The following PLEKHH2 variants were observed in gnomAD, a reference collection of about 807,000 sequenced individuals.
PLEKHH2 encodes pleckstrin homology domain-containing family H member 2.
PLEKHH2 carries 129 observed loss-of-function variants against 187.9 expected under a neutral mutation model. The observed-to-expected ratio is 0.69, with a 90% confidence interval of 0.59 to 0.79. PLEKHH2 has a LOEUF of 0.79. Ranked by LOEUF, PLEKHH2 falls within the 30% of genes least tolerant of loss-of-function variation. PLEKHH2 has a pLI of 0.00. For synonymous variants in PLEKHH2, 686 were observed against 605.6 expected (o/e 1.13, Z -1.95); for missense variants, 2,076 against 1,751.2 (o/e 1.19, Z -3.31).
At chr2:43,655,838 A>T (rs967847456) in intron 2 of PLEKHH2, among the ~76,000 whole-genome samples, 2 of 152,216 alleles carry the variant, frequency 1.3e-5, no homozygotes, top group Non-Finnish European at 2.9e-5. Context: ...TTGTAATATT[A>T]GATGCATTTT....
chr2:43,742,102 G>A (rs1671591141), intron 21 of PLEKHH2, among the ~76,000 whole-genome samples: 1 of 152,010 alleles, frequency 6.6e-6, no homozygotes, highest in African/African-American at 2.4e-5. Context: ...CAAGGTCCAA[G>A]TGATTCTCCT....
At chr2:43,639,326 G>A (rs902400030) in intron 1 of PLEKHH2, among the ~76,000 whole-genome samples, 3 of 152,078 alleles carry the variant, frequency 2.0e-5, no homozygotes, top group African/African-American at 7.2e-5. Flanking sequence ...ACTGGGTTTT[G>A]GTATATTCAC....
At chr2:43,704,595 G>T (rs750685727) in intron 9 of PLEKHH2, among the ~76,000 whole-genome samples, 5 of 144,602 alleles carry the variant, frequency 3.5e-5, no homozygotes, top group Admixed American at 2.2e-4. Context: ...CCGAGGAGGT[G>T]GAGCTTTCAG....
intron 2 of PLEKHH2, among the ~76,000 whole-genome samples, chr2:43,652,123 C>T (rs778996660): frequency 1.3e-5 from 2 of 152,160 alleles, no homozygotes; most frequent in Non-Finnish European, 2.9e-5. Flanking sequence ...AGCTGTTGGA[C>T]TAGTGCACTC....
chr2:43,720,688 A>G lies in PLEKHH2; in HGVS notation c.2480A>G (p.Lys827Arg). The G allele has an allele frequency of 1.2e-6, 2 of 1,610,322 alleles. No homozygotes were observed. The highest frequency in any genetic ancestry group is 1.7e-6 in the Non-Finnish European group (2 of 1,178,786). ...LLTKVKHGYS[K>R]RVWCTLIGKT... ...TTTCAGGTAAAACATGGATATTCCA[A>G]GAGAGTCTGGTGTACACTAATAGGA... Residue 827 changes from lysine (K) to arginine (R), a missense_variant, in exon 16 of 30, where the codon AAG becomes AGG. By Grantham distance (26) the Lys-to-Arg change is conservative. Coordinates refer to ENST00000282406, the MANE Select transcript of PLEKHH2 (RefSeq NM_172069.4).
chr2:43,720,076 C>A (rs1449852340), intron 15 of PLEKHH2, among the ~76,000 whole-genome samples: 1 of 152,130 alleles, frequency 6.6e-6, no homozygotes, highest in African/African-American at 2.4e-5. Flanking sequence ...TCTGTCAGAG[C>A]TTTTAGGATA....
intron 6 of PLEKHH2, 63 bp from the exon 7 acceptor site, chr2:43,697,108 G>A (rs1330906818): frequency 1.7e-5 from 24 of 1,381,830 alleles, no homozygotes; most frequent in Non-Finnish European, 2.3e-5. Flanking sequence ...ATATGCCTTG[G>A]TTCTATGTTT....
chr2:43,694,965 A>C (rs1462670754), intron 5 of PLEKHH2, among the ~76,000 whole-genome samples, 178 bp from the exon 6 acceptor site: 2 of 152,162 alleles, frequency 1.3e-5, no homozygotes, highest in Admixed American at 1.3e-4. Flanking sequence ...TGATACCATA[A>C]TTATCTAGGT....
rs1413196398 is a variant in PLEKHH2, at chr2:43,710,643, C to A, written c.2301+68C>A. ...CAGACTCAATTCTCAATTATCCAAC[C>A]TAATGGAAAGGAGATAGGATAATTC... is the stretch of plus-strand genomic sequence containing the variant. On this transcript the variant is annotated intron_variant, in intron 14 of 29. Transcript: ENST00000282406. The A allele has an allele frequency of 3.4e-6, 5 of 1,490,420 alleles. No homozygotes were observed. The East Asian group carries it at 1.2e-4, about 36-fold the overall frequency. 92.3% of individuals were successfully genotyped at this position (1,490,420 alleles called of 1,614,324 possible). A position where few individuals can be genotyped will look rare whatever the true frequency, so the allele number is the denominator to read the frequency against.
intron 21 of PLEKHH2, chr2:43,741,319 G>A (rs1296801713): frequency 2.7e-5 from 6 of 221,830 alleles, no homozygotes; most frequent in African/African-American, 1.2e-4. Flanking sequence ...GAATGACTTA[G>A]CATTAGTGGG....
intron 2 of PLEKHH2, among the ~76,000 whole-genome samples, chr2:43,647,741 G>C (rs2104336843): frequency 6.6e-6 from 1 of 152,176 alleles, no homozygotes; most frequent in South Asian, 2.1e-4. Context: ...CTCCCTAATA[G>C]TGCTCTATAC....
At chr2:43,702,527 C>CTTTTTTTTTTTTTTTTTTTT (rs1167078689) in intron 8 of PLEKHH2, among the ~76,000 whole-genome samples, 12 of 57,394 alleles carry the variant, frequency 2.1e-4, no homozygotes, top group South Asian at 6.7e-4. Context: ...CATTCTACTA[C>CTTTTTTTTTTTTTTTTTTTT]TTTTTTTTTT....
chr2:43,666,740 A>G (rs2104390253), intron 2 of PLEKHH2, among the ~76,000 whole-genome samples: 1 of 152,308 alleles, frequency 6.6e-6, no homozygotes, highest in South Asian at 2.1e-4. Flanking sequence ...TTAACTTGCT[A>G]TCCATATTTA....
intron 15 of PLEKHH2, among the ~76,000 whole-genome samples, chr2:43,719,348 T>C (rs1572614510): frequency 6.6e-6 from 1 of 152,242 alleles, no homozygotes; most frequent in African/African-American, 2.4e-5. Flanking sequence ...TATTACTTTG[T>C]ATGATTACTT....
chr2:43,757,972 C>G (rs1303633977), intron 26 of PLEKHH2, among the ~76,000 whole-genome samples: 2 of 151,994 alleles, frequency 1.3e-5, no homozygotes, highest in African/African-American at 4.8e-5. Context: ...TTACAAAAGA[C>G]TTTTTAATAT....
At chr2:43,694,158 G>A (rs1039263962) in intron 4 of PLEKHH2, among the ~76,000 whole-genome samples, 1 of 152,132 alleles carries the variant, frequency 6.6e-6, no homozygotes, top group African/African-American at 2.4e-5. Flanking sequence ...GGCTTATTTT[G>A]TTGATAAATT....
chr2:43,762,391 G>T lies in PLEKHH2; in HGVS notation c.4158+1G>T. ...AAGCCTCTTAGAATACAACTCCATG[G>T]TAAGTTTAAACGCTCAAGTTTTGCA... On this transcript the variant is annotated splice_donor_variant, in intron 28 of 29. Coordinates refer to ENST00000282406, the MANE Select transcript of PLEKHH2 (RefSeq NM_172069.4). LOFTEE classifies it high-confidence loss of function. 6.2e-7 allele frequency: 1 copy of T among 1,601,730 alleles called. No homozygotes were observed.
intron 3 of PLEKHH2, among the ~76,000 whole-genome samples, chr2:43,689,153 G>A (rs551389598): frequency 6.6e-6 from 1 of 152,318 alleles, no homozygotes; most frequent in African/African-American, 2.4e-5. Flanking sequence ...GCCAGTGAAG[G>A]ACCAGTCCTT....
At chr2:43,644,888 A>T in intron 2 of PLEKHH2, 92 bp downstream of exon 2, 1 of 1,340,282 alleles carries the variant, frequency 7.5e-7, no homozygotes, top group Non-Finnish European at 1.0e-6. Flanking sequence ...TGGGGGTTTG[A>T]TTTAATTTTT....
Sources: allele counts gnomAD v4.1 joint callset (sites outside exome capture counted in the v4.1 genomes callset), GRCh38; gene constraint gnomAD v4.1.1; transcripts MANE v1.5; gene names NCBI Gene and HGNC (gene_info 2026-07-23, HGNC 2026-07-21).